The following PITPNB variants were observed in gnomAD, a reference collection of about 807,000 sequenced individuals.
PITPNB encodes phosphatidylinositol transfer protein beta.
In PITPNB, 16 loss-of-function variants were observed where a neutral mutation model predicts 45.9. That is an observed-to-expected ratio of 0.35 (90% confidence interval 0.24 to 0.53). The LOEUF (loss-of-function observed/expected upper bound fraction) is 0.53. Ranked by LOEUF, PITPNB falls within the 20% of genes least tolerant of loss-of-function variation. PITPNB has a pLI of 0.93. For synonymous variants in PITPNB, 112 were observed against 108.9 expected (o/e 1.03, Z -0.18); for missense variants, 188 against 330.5 (o/e 0.57, Z 3.34).
chr22:27,913,837 C>T (rs778669208), intron 2 of PITPNB, among the ~76,000 whole-genome samples: 1 of 152,108 alleles, frequency 6.6e-6, no homozygotes, highest in Non-Finnish European at 1.5e-5. Context: ...CATCAGAAAA[C>T]CTGAAGGATT....
intron 3 of PITPNB, among the ~76,000 whole-genome samples, chr22:27,905,156 T>G (rs1935719559): frequency 6.6e-6 from 1 of 152,100 alleles, no homozygotes; most frequent in African/African-American, 2.4e-5. Context: ...TTTCCTTTAC[T>G]TTTTTTGTTT....
chr22:27,910,894 A>G, intron 3 of PITPNB, 70 bp downstream of exon 3: 1 of 1,074,440 alleles, frequency 9.3e-7, no homozygotes, highest in Non-Finnish European at 1.4e-6. Flanking sequence ...TCTACTAGTT[A>G]AGTTAGCTAG....
rs534303704 is a variant in PITPNB, at chr22:27,917,038, C to T, written c.20+2134G>A. 2.6e-5 allele frequency among the ~76,000 whole-genome samples: 4 copies of T among 152,212 alleles called. No homozygotes were observed. The South Asian group carries it at 8.3e-4, about 32-fold the overall frequency. ...ACCGACATTACTTAAGAAACAGCTT[C>T]TACCTTCAAAAAGTCTAGGAGGAAA... is the stretch of plus-strand genomic sequence containing the variant. On this transcript the variant is annotated intron_variant, in intron 1 of 11. Transcript: ENST00000335272.
chr22:27,879,047 A>G (rs981600483), intron 7 of PITPNB, among the ~76,000 whole-genome samples: 1 of 151,542 alleles, frequency 6.6e-6, no homozygotes, highest in South Asian at 2.1e-4. Context: ...TTTTTTTGGT[A>G]ATCTTTCTGA....
intron 7 of PITPNB, among the ~76,000 whole-genome samples, chr22:27,882,410 T>A (rs1056664271): frequency 6.6e-6 from 1 of 152,198 alleles, no homozygotes; most frequent in African/African-American, 2.4e-5. Context: ...AAAAAACAGG[T>A]ACTGGCTTAG....
intron 7 of PITPNB, among the ~76,000 whole-genome samples, chr22:27,881,096 G>A (rs1934958552): frequency 1.3e-5 from 2 of 152,296 alleles, no homozygotes; most frequent in East Asian, 1.9e-4. Context: ...AATAATGTAG[G>A]AAACATTTTC....
chr22:27,867,973 T>TA (rs1387222259), intron 8 of PITPNB, among the ~76,000 whole-genome samples: 6 of 151,948 alleles, frequency 3.9e-5, no homozygotes, highest in Non-Finnish European at 2.9e-5. Context: ...AAAAATCAAA[T>TA]AAAAAATGTA....
chr22:27,897,865 A>C lies in PITPNB; in HGVS notation c.225T>G (p.Ile75Met), dbSNP rs753152945. ...KSKVPAFVRM[I>M]APEGSLVFHE... ...GAAACACCAAGGAGCCCTCGGGAGCAATCATCCTCACGAATGCAGGCACTT... is the reference window on the plus strand; with the variant it reads ...GAAACACCAAGGAGCCCTCGGGAGCCATCATCCTCACGAATGCAGGCACTT... Residue 75 changes from isoleucine to methionine, a missense_variant, in exon 4 of 12, where the codon ATT (isoleucine) becomes ATG (methionine). Transcript: ENST00000335272. The C allele has an allele frequency of 3.7e-6, 6 of 1,613,686 alleles. No homozygotes were observed. Among genetic ancestry groups the C allele is most frequent in the Non-Finnish European group, 5.1e-6 (6 of 1,179,682 alleles).
At chr22:27,918,487 C>G (rs1936153069) in intron 1 of PITPNB, among the ~76,000 whole-genome samples, 1 of 152,198 alleles carries the variant, frequency 6.6e-6, no homozygotes, top group East Asian at 1.9e-4. Flanking sequence ...GTCGGATGCA[C>G]CTCGAAATCC....
At chr22:27,883,605 G>A (rs1935034348) in intron 7 of PITPNB, among the ~76,000 whole-genome samples, 1 of 152,266 alleles carries the variant, frequency 6.6e-6, no homozygotes, top group African/African-American at 2.4e-5. Context: ...TAAGCTGCCT[G>A]CGGGCAGACC....
intron 7 of PITPNB, among the ~76,000 whole-genome samples, chr22:27,878,049 C>T (rs1015246793): frequency 5.9e-5 from 9 of 152,138 alleles, no homozygotes; most frequent in Non-Finnish European, 1.3e-4. Context: ...AAATGCTTTC[C>T]TTTAGCATAC....
At chr22:27,860,288 T>TC in intron 8 of PITPNB, 47 bp from the exon 9 acceptor site, 1 of 1,162,928 alleles carries the variant, frequency 8.6e-7, no homozygotes, top group Non-Finnish European at 1.3e-6. Context: ...TAAATATTTA[T>TC]GTTTTCATTA....
intron 7 of PITPNB, among the ~76,000 whole-genome samples, chr22:27,885,896 G>A (rs916522323): frequency 6.6e-6 from 1 of 152,202 alleles, no homozygotes; most frequent in Non-Finnish European, 1.5e-5. Context: ...GCCACGCCAT[G>A]CATCCAGCAT....
In PITPNB at chr22:27,867,765, TA is replaced by T. The variant is rs1443835551; in HGVS notation, c.534+5972del. ...TGCCAAATTACTTCTTGAACCTGAA[TA>T]AGACATTCATTCGTCTGTGCCTGAA... On this transcript the variant is annotated intron_variant, in intron 8 of 11. Transcript: ENST00000335272. Among the ~76,000 whole-genome samples the T allele has an allele frequency of 3.3e-5, 5 of 152,180 alleles. No individual in the cohort carries two copies. In the East Asian group the frequency reaches 9.6e-4, roughly 29 times the overall value.
intron 7 of PITPNB, among the ~76,000 whole-genome samples, chr22:27,880,294 C>A (rs1481552920): frequency 6.6e-6 from 1 of 152,194 alleles, no homozygotes; most frequent in Non-Finnish European, 1.5e-5. Flanking sequence ...CGCTTGCTCC[C>A]TCTCAGCCTA....
chr22:27,875,940 C>T (rs533482287), intron 7 of PITPNB, among the ~76,000 whole-genome samples: 18 of 152,196 alleles, frequency 1.2e-4, no homozygotes, highest in Non-Finnish European at 1.8e-4. Context: ...AGAATCAAAA[C>T]CAAACAAAAG....
intron 10 of PITPNB, among the ~76,000 whole-genome samples, chr22:27,855,157 G>A (rs1934135320): frequency 1.3e-5 from 2 of 152,140 alleles, no homozygotes; most frequent in African/African-American, 4.8e-5. Flanking sequence ...ATCCTTAACT[G>A]TAAAAAACAA....
intron 7 of PITPNB, among the ~76,000 whole-genome samples, chr22:27,892,499 G>A (rs5762395): frequency 0.17 from 25,281 of 152,104 alleles, 2,279 homozygotes; most frequent in Middle Eastern, 0.26. Context: ...TAATGGGAAT[G>A]CCTTCCCCAG....
intron 7 of PITPNB, among the ~76,000 whole-genome samples, chr22:27,885,212 T>TTAAAAAAAAAAAAAAAA (rs1569019261): frequency 6.6e-5 from 2 of 30,232 alleles, no homozygotes; most frequent in Middle Eastern, 0.028. Flanking sequence ...AATTTATACC[T>TTAAAAAAAAAAAAAAAA]AAAAAAAAAA....
Sources: allele counts gnomAD v4.1 joint callset (sites outside exome capture counted in the v4.1 genomes callset), GRCh38; gene constraint gnomAD v4.1.1; transcripts MANE v1.5; gene names NCBI Gene and HGNC (gene_info 2026-07-23, HGNC 2026-07-21).